Variants in ZNF676 observed in about 807,000 individuals in gnomAD.
The protein encoded by ZNF676 is zinc finger protein 676.
In ZNF676, 4 loss-of-function variants were observed where a neutral mutation model predicts 6.0. That is an observed-to-expected ratio of 0.67 (90% CI 0.33 to 1.53). The LOEUF (loss-of-function observed/expected upper bound fraction) is 1.53, where lower values mean the gene tolerates loss of function less well. ZNF676 is among the 40% of genes most tolerant of loss of function. The pLI is 0.06. For missense variants in ZNF676, 644 were observed against 679.7 expected (o/e 0.95, Z 0.58); for synonymous variants, 198 against 223.1 (o/e 0.89, Z 1.00).
At chr19:22,190,810 C>G (rs886596988) in intron 2 of ZNF676, among the ~76,000 whole-genome samples, 2 of 151,202 alleles carry the variant, frequency 1.3e-5, no homozygotes, top group Admixed American at 6.6e-5. Flanking sequence ...GAATATCACT[C>G]AGTTTTCAAA....
At chr19:22,256,984 C>A in the ZNF676 span, among the ~76,000 whole-genome samples, 16 of 152,110 alleles carry the variant, frequency 1.1e-4, no homozygotes, top group African/African-American at 3.9e-4. Flanking sequence ...CCTCCTTGGG[C>A]AGAGTCTAAG....
rs1343541948 is a variant in ZNF676 at position 22,179,970 on chromosome 19, G to T, written c.1747C>A (p.His583Asn). ...CATTTTTAGGGATTCTCTCCAGTAT[G>T]AATTTTCTTATGATAACTAACAGTT... The part of the protein sequence containing the change: ...SSTVSYHKKI[H>N]TGENP Residue 583 changes from histidine to asparagine, a missense_variant, in exon 3 of 3, where the codon CAT becomes AAT. By Grantham distance (68) the His-to-Asn change is moderately conservative. Coordinates refer to ENST00000397121, the MANE Select transcript of ZNF676 (RefSeq NM_001001411.3). 6.2e-7 allele frequency: 1 copy of T among 1,613,378 alleles called. No individual in the cohort carries two copies. Among genetic ancestry groups the T allele is most frequent in the Non-Finnish European group, 8.5e-7 (1 of 1,179,698 alleles).
the ZNF676 span, among the ~76,000 whole-genome samples, chr19:22,235,965 T>A: frequency 1.3e-5 from 2 of 149,798 alleles, no homozygotes; most frequent in Admixed American, 1.4e-4. Flanking sequence ...GCAGCTGCAA[T>A]TGGAGTCATC....
chr19:22,224,251 A>G, the ZNF676 span, among the ~76,000 whole-genome samples: 1 of 149,708 alleles, frequency 6.7e-6, no homozygotes, highest in Non-Finnish European at 1.5e-5. Context: ...TGTGCTTTTT[A>G]GCGTCAGTTT....
At chr19:22,239,378 C>T in the ZNF676 span, among the ~76,000 whole-genome samples, 2 of 151,686 alleles carry the variant, frequency 1.3e-5, no homozygotes, top group Non-Finnish European at 2.9e-5. Flanking sequence ...CAGGGTTTCA[C>T]CGTGTGTTAG....
chr19:22,237,522 C>G, the ZNF676 span, among the ~76,000 whole-genome samples: 20 of 152,228 alleles, frequency 1.3e-4, no homozygotes, highest in African/African-American at 4.1e-4. Flanking sequence ...CTCTAGGGGG[C>G]CGCTGGGACT....
At chr19:22,182,492 T>C (rs1241455262) in intron 2 of ZNF676, among the ~76,000 whole-genome samples, 1 of 130,690 alleles carries the variant, frequency 7.7e-6, no homozygotes, top group Non-Finnish European at 1.6e-5. Context: ...CTATAGAAAA[T>C]GAGAAAAATG....
the ZNF676 span, among the ~76,000 whole-genome samples, chr19:22,236,222 C>A: frequency 6.6e-6 from 1 of 152,032 alleles, no homozygotes; most frequent in Non-Finnish European, 1.5e-5. Flanking sequence ...CCTCACCCTA[C>A]TACTCAGGGA....
rs369300351 is a variant in ZNF676 at position 22,180,521 on chromosome 19, C to T, written c.1196G>A (p.Gly399Asp). 9 of 1,609,980 alleles carry T rather than the reference C, an allele frequency of 5.6e-6. No homozygotes were observed. The highest frequency in any genetic ancestry group is 7.6e-6 in the Non-Finnish European group (9 of 1,179,502). Reference protein sequence around the residue: ...EEKPYKCEECGKASNSSSKLM... With the variant: ...EEKPYKCEECDKASNSSSKLM... The stretch of plus-strand genomic sequence containing the variant: ...CTTTGAGGATGAGTTGGAAGCTTTG[C>T]CACATTCTTCACATTTGTAGGGCTT... The change falls in exon 3 of 3, where the codon GGC becomes GAC. Residue 399 changes from glycine to aspartate, a missense_variant. Transcript: ENST00000397121.
intron 1 of ZNF676, among the ~76,000 whole-genome samples, chr19:22,206,954 T>C (rs2024082848): frequency 6.6e-6 from 1 of 152,154 alleles, no homozygotes; most frequent in Admixed American, 6.6e-5. Flanking sequence ...GTCAAAATAG[T>C]AAGTTATCTA....
In ZNF676 at chr19:22,181,498, T is replaced by A; in HGVS notation, c.219A>T (p.Lys73Asn). Residue 73 changes from lysine to asparagine, a missense_variant, in exon 3 of 3, where the codon AAA (lysine) becomes AAT (asparagine). Lys to Asn is a moderately conservative substitution (Grantham distance 94, BLOSUM62 0). Transcript: ENST00000397121. ...FQKMILRRYD[K>N]CGHENLHLKI... ...TTAAGTGTAAATTCTCATGTCCACATTTGTCATATCTTCTCAATATCATTT... is the reference window on the plus strand; with the variant it reads ...TTAAGTGTAAATTCTCATGTCCACAATTGTCATATCTTCTCAATATCATTT... 6.2e-7 allele frequency: 1 copy of A among 1,613,452 alleles called. No homozygotes were observed.
Position 22,180,573 on chromosome 19 carries a change from T to C in ZNF676, c.1144A>G (p.Thr382Ala). The C allele has an allele frequency of 2.5e-6, 4 of 1,611,678 alleles. No individual in the cohort carries two copies. The highest frequency in any genetic ancestry group is 3.4e-6 in the Non-Finnish European group (4 of 1,179,480). The change falls in exon 3 of 3, where the codon ACA becomes GCA. Residue 382 changes from threonine (T) to alanine (A), a missense_variant. Coordinates refer to ENST00000397121, the MANE Select transcript of ZNF676 (RefSeq NM_001001411.3). ...KAFSKVSTLNTHKAIHAEEKP... is the reference protein window; with the variant it reads ...KAFSKVSTLNAHKAIHAEEKP... Reference sequence around the variant, plus strand: ...TCTTCAGCATGAATTGCCTTATGTGTATTAAGGGTTGAGACCTTACTAAAG... The same window carrying C: ...TCTTCAGCATGAATTGCCTTATGTGCATTAAGGGTTGAGACCTTACTAAAG...
chr19:22,210,715 TTTC>T (rs1177910698), intron 1 of ZNF676, among the ~76,000 whole-genome samples: 3 of 152,188 alleles, frequency 2.0e-5, no homozygotes, highest in Non-Finnish European at 2.9e-5. Flanking sequence ...CTCTGCATAT[TTTC>T]TTTTCTCGTT....
rs1172373430 is a variant in ZNF676 at position 22,215,596 on chromosome 19, G to T, written c.3+36C>A. 7 of 1,608,792 alleles carry T rather than the reference G, an allele frequency of 4.4e-6. No homozygotes were observed. The African/African-American group carries it at 8.0e-5, about 18-fold the overall frequency. On this transcript the variant is annotated intron_variant, in intron 1 of 3. Coordinates refer to the ZNF676 transcript ENST00000650058. The stretch of plus-strand genomic sequence containing the variant: ...TTCCCGCCGGTTCCAACCAGCCCAG[G>T]CCACTCTCTCAGTGTGTCGGACCCG...
intron 1 of ZNF676, among the ~76,000 whole-genome samples, chr19:22,206,616 A>C (rs995536837): frequency 6.6e-6 from 1 of 152,066 alleles, no homozygotes; most frequent in African/African-American, 2.4e-5. Context: ...CAGAGGTTGC[A>C]GTGAACCAAG....
At chr19:22,243,032 C>A in the ZNF676 span, among the ~76,000 whole-genome samples, 1 of 151,764 alleles carries the variant, frequency 6.6e-6, no homozygotes, top group Non-Finnish European at 1.5e-5. Flanking sequence ...CTGTGGTAAG[C>A]CCAGTATTAA....
At chr19:22,244,679 G>C in the ZNF676 span, 1 of 152,192 alleles carries the variant, frequency 6.6e-6, no homozygotes, top group Non-Finnish European at 1.5e-5. Context: ...CACATCACCT[G>C]GTTACTGGGC....
the ZNF676 span, among the ~76,000 whole-genome samples, chr19:22,230,353 TG>T: frequency 6.6e-6 from 1 of 151,776 alleles, no homozygotes; most frequent in East Asian, 1.9e-4. Flanking sequence ...TGTCAGCGGG[TG>T]GGGGGCTAGG....
upstream of ZNF676, among the ~76,000 whole-genome samples, chr19:22,220,051 A>T: frequency 6.6e-6 from 1 of 151,966 alleles, no homozygotes; most frequent in East Asian, 1.9e-4. Flanking sequence ...TTGCCAAATG[A>T]TTTTTCTGCA....
Sources: allele counts gnomAD v4.1 joint callset (sites outside exome capture counted in the v4.1 genomes callset), GRCh38; gene constraint gnomAD v4.1.1; transcripts MANE v1.5; gene names NCBI Gene and HGNC (gene_info 2026-07-23, HGNC 2026-07-21).